SLC35F4: variants seen among roughly 807,000 people sequenced by gnomAD.
The protein encoded by SLC35F4 is solute carrier family 35 member F4.
Under a neutral mutation model 44.2 loss-of-function variants are expected in SLC35F4, and 24 were observed. That is an observed-to-expected ratio of 0.54 (90% CI 0.39 to 0.76). The LOEUF (loss-of-function observed/expected upper bound fraction) is 0.76. Among genes scored for constraint, SLC35F4 ranks in the 30% least tolerant of loss-of-function variants. SLC35F4 has a pLI of 0.00. For missense variants in SLC35F4, 562 were observed against 586.1 expected (o/e 0.96, Z 0.42); for synonymous variants, 238 against 223.6 (o/e 1.06, Z -0.57).
At chr14:57,591,033 A>G (rs1203600757) in intron 2 of SLC35F4, among the ~76,000 whole-genome samples, 1 of 152,236 alleles carries the variant, frequency 6.6e-6, no homozygotes, top group African/African-American at 2.4e-5. Context: ...CACAGCAACC[A>G]CTACATGACT....
intron 1 of SLC35F4, among the ~76,000 whole-genome samples, chr14:57,600,548 C>T (rs1036794939): frequency 4.7e-5 from 7 of 147,948 alleles, no homozygotes; most frequent in African/African-American, 1.7e-4. Context: ...AAAAATTAGC[C>T]GGGCGTAGTG....
At chr14:57,590,547 A>G (rs2070108358) in intron 2 of SLC35F4, among the ~76,000 whole-genome samples, 1 of 152,254 alleles carries the variant, frequency 6.6e-6, no homozygotes, top group Non-Finnish European at 1.5e-5. Context: ...AAAATTTTGC[A>G]GCAATTTTAC....
intron 1 of SLC35F4, among the ~76,000 whole-genome samples, chr14:57,770,811 C>T (rs1489778911): frequency 1.3e-5 from 2 of 152,230 alleles, no homozygotes; most frequent in Admixed American, 6.5e-5. Context: ...AATTTATTAT[C>T]GTGTAAGTTA....
At chr14:57,959,963 G>T (rs191255020) in intron 1 of SLC35F4, among the ~76,000 whole-genome samples, 1 of 152,208 alleles carries the variant, frequency 6.6e-6, no homozygotes, top group Non-Finnish European at 1.5e-5. Flanking sequence ...ACTCCTGCTG[G>T]GAATGGCTGG....
chr14:57,575,181 T>G (rs1208952899), intron 4 of SLC35F4, among the ~76,000 whole-genome samples: 1 of 152,056 alleles, frequency 6.6e-6, no homozygotes, highest in Non-Finnish European at 1.5e-5. Flanking sequence ...AGTGTCTAAA[T>G]AAGATGGAAA....
At position 57,889,684 on chromosome 14, in the gene SLC35F4, T is replaced by C. The variant is rs192797500; in HGVS notation, n.282+92229A>G. ...CATATAATATAGATATAGGAATATA[T>C]TAATGTATATATTGATGTAGTTACC... On this transcript the variant is annotated intron_variant and non_coding_transcript_variant, in intron 1 of 1. Coordinates refer to the SLC35F4 transcript ENST00000556568. 4.5e-3 allele frequency among the ~76,000 whole-genome samples: 691 copies of C among 152,362 alleles called. 1 individual carries two copies. The highest frequency in any genetic ancestry group is 0.015 in the African/African-American group (642 of 41,582).
At chr14:57,816,377 C>T (rs549041623) in intron 1 of SLC35F4, among the ~76,000 whole-genome samples, 1 of 152,152 alleles carries the variant, frequency 6.6e-6, no homozygotes, top group Admixed American at 6.6e-5. Context: ...ACTCTTTCAG[C>T]CCTCCCAGTC....
chr14:57,879,533 C>A (rs1888473974), intron 1 of SLC35F4, among the ~76,000 whole-genome samples: 1 of 152,130 alleles, frequency 6.6e-6, no homozygotes, highest in South Asian at 2.1e-4. Context: ...GCCAAGCTGA[C>A]GAGCTACTCC....
chr14:57,755,096 G>T (rs2076966160), intron 1 of SLC35F4, among the ~76,000 whole-genome samples: 1 of 152,180 alleles, frequency 6.6e-6, no homozygotes, highest in South Asian at 2.1e-4. Context: ...GTCCCATGTG[G>T]ATTGGAGTCA....
rs186985775 is a variant in SLC35F4 at position 57,590,854 on chromosome 14, G to T, written c.290-1341C>A. Among the ~76,000 whole-genome samples, 586 of 152,310 alleles carry T rather than the reference G, an allele frequency of 3.8e-3. 3 individuals are homozygous for T. Among genetic ancestry groups the T allele is most frequent in the African/African-American group, 0.014 (573 of 41,566 alleles). On this transcript the variant is annotated intron_variant, in intron 2 of 7. Transcript: ENST00000556826. ...TCACTTTGTGTCTCCAGAGCCTACT[G>T]GCTCTCCGCTGAATGTGTTCCTACT...
intron 1 of SLC35F4, among the ~76,000 whole-genome samples, chr14:57,708,522 T>C (rs2075733778): frequency 6.6e-6 from 1 of 152,240 alleles, no homozygotes. Context: ...TGAATGGTTT[T>C]GACCAAAATG....
At position 57,859,961 on chromosome 14, in the gene SLC35F4, G is replaced by A. The variant is rs374958776; in HGVS notation, c.103+5762C>T. Among the ~76,000 whole-genome samples the A allele has an allele frequency of 9.2e-5, 14 of 152,284 alleles. 1 individual carries two copies. In the South Asian group the frequency reaches 1.5e-3, roughly 16 times the overall value. ...TGTGACATGACTGGAGGACATTCAG[G>A]TAGAATGTTCGAAGGAATTTTGAAA... On this transcript the variant is annotated intron_variant, in intron 1 of 7. Transcript: ENST00000556826.
At chr14:57,759,814 T>C (rs538281842) in intron 1 of SLC35F4, among the ~76,000 whole-genome samples, 3 of 152,256 alleles carry the variant, frequency 2.0e-5, no homozygotes, top group East Asian at 1.9e-4. Flanking sequence ...TATATCTTCT[T>C]TGAAGAAATC....
At chr14:57,779,612 C>A (rs2077569823) in intron 1 of SLC35F4, among the ~76,000 whole-genome samples, 1 of 152,148 alleles carries the variant, frequency 6.6e-6, no homozygotes, top group Non-Finnish European at 1.5e-5. Flanking sequence ...ATACCAAAAT[C>A]TGGCAGAGAT....
chr14:57,775,807 T>C (rs1488918290), intron 1 of SLC35F4, among the ~76,000 whole-genome samples: 1 of 152,212 alleles, frequency 6.6e-6, no homozygotes, highest in Non-Finnish European at 1.5e-5. Context: ...TTGAGATGGC[T>C]GAAATGACAG....
intron 1 of SLC35F4, among the ~76,000 whole-genome samples, chr14:57,879,317 G>T (rs1254010845): frequency 6.6e-6 from 1 of 152,032 alleles, no homozygotes; most frequent in Admixed American, 6.6e-5. Context: ...CACTGCTCTT[G>T]GGGGTCATAA....
At chr14:57,616,088 TTAAC>T (rs2071801753) in intron 1 of SLC35F4, among the ~76,000 whole-genome samples, 1 of 152,248 alleles carries the variant, frequency 6.6e-6, no homozygotes, top group South Asian at 2.1e-4. Flanking sequence ...ATTTATCATT[TTAAC>T]TCTTTTAAGT....
upstream of SLC35F4, among the ~76,000 whole-genome samples, chr14:57,982,400 G>A (rs144188779): frequency 3.0e-4 from 45 of 152,322 alleles, no homozygotes; most frequent in East Asian, 8.7e-3. Context: ...CTGCCGACAG[G>A]GCTTCCAGGC....
At chr14:57,766,758 A>G (rs2077245007) in intron 1 of SLC35F4, among the ~76,000 whole-genome samples, 1 of 152,246 alleles carries the variant, frequency 6.6e-6, no homozygotes, top group African/African-American at 2.4e-5. Flanking sequence ...AAGCAGAATT[A>G]AAAGTGTTCA....
Sources: allele counts gnomAD v4.1 joint callset (sites outside exome capture counted in the v4.1 genomes callset), GRCh38; gene constraint gnomAD v4.1.1; transcripts MANE v1.5; gene names NCBI Gene and HGNC (gene_info 2026-07-23, HGNC 2026-07-21).